DGCR8: variants seen among roughly 807,000 people sequenced by gnomAD.
DGCR8 encodes microprocessor complex subunit DGCR8.
A neutral mutation model predicts 78.5 loss-of-function variants in DGCR8; 14 were observed. The ratio of observed to expected loss-of-function variants is 0.18; its 90% confidence interval spans 0.12 to 0.28. The LOEUF is 0.28. DGCR8 is among the 10% of genes least tolerant of loss of function. The pLI, the probability that DGCR8 is intolerant of heterozygous loss-of-function variation, is 1.00. For missense variants in DGCR8, 702 were observed against 1,022.5 expected, an observed-to-expected ratio of 0.69 and a Z score of 4.28; for synonymous variants, 399 against 402.4, an observed-to-expected ratio of 0.99 and a Z score of 0.10.
chr22:20,090,080 G>T lies in DGCR8; in HGVS notation c.1128G>T (p.Val376=). The change falls in exon 5 of 14, where the codon GTG becomes GTT. Residue 376 remains valine, a synonymous_variant. Coordinates refer to ENST00000351989, the MANE Select transcript of DGCR8 (RefSeq NM_022720.7). ...QSSDLTPSGD[V]SPVKPLSRSA... ...GTGACCTCACCCCTAGTGGGGATGT[G>T]TCCCCCGTCAAGCCCCTGAGCCGAT... is the stretch of plus-strand genomic sequence containing the variant. 6.2e-7 allele frequency: 1 copy of T among 1,614,220 alleles called. No homozygotes were observed.
At chr22:20,107,017 G>C in intron 11 of DGCR8, 1 of 579,608 alleles carries the variant, frequency 1.7e-6, no homozygotes, top group South Asian at 2.0e-5. Flanking sequence ...CTTGGCGGGA[G>C]GGAGGCTCTC....
chr22:20,089,678 G>A lies in DGCR8; in HGVS notation c.890G>A (p.Arg297His), dbSNP rs763913575. ...TTGTCTTCCTGTGCAGGTCGTGGCCGCCCACCTACAGAGCCGCTGCCCGAC... is the reference window on the plus strand; with the variant it reads ...TTGTCTTCCTGTGCAGGTCGTGGCCACCCACCTACAGAGCCGCTGCCCGAC... ...KIKTVLKSRGRPPTEPLPDGW... is the reference protein window; with the variant it reads ...KIKTVLKSRGHPPTEPLPDGW... The change falls in exon 4 of 14, where the codon CGC (arginine) becomes CAC (histidine). Residue 297 changes from arginine (R) to histidine (H), a missense_variant. This residue lies in a region of DGCR8 where 356 missense variants were observed against 448.9 expected (regional missense o/e 0.79). Transcript: ENST00000351989. The surrounding 1 kb of genome is among the most constrained non-coding windows in gnomAD (Gnocchi z 4.9). 29 of 1,613,810 alleles carry A rather than the reference G, an allele frequency of 1.8e-5. No homozygotes were observed. The African/African-American group carries it at 1.9e-4, about 10-fold the overall frequency.
rs2049475902 is a variant in DGCR8 at position 20,085,917 on chromosome 22, G to GTC, written c.-47_-46insTC. 6.6e-7 allele frequency: 1 copy of GTC among 1,509,668 alleles called. No individual in the cohort carries two copies. Among genetic ancestry groups the GTC allele is most frequent in the Non-Finnish European group, 8.8e-7 (1 of 1,135,582 alleles). The allele number at this position is 1,509,668 out of a possible 1,614,324, so 93.5% of individuals were successfully genotyped here. A position where few individuals can be genotyped will look rare whatever the true frequency, so the allele number is the denominator to read the frequency against. On this transcript the variant is annotated 5_prime_UTR_variant, in exon 2 of 14. Transcript: ENST00000351989. This position sits in a 1 kb window ranked among gnomAD's most constrained non-coding sequence, Gnocchi z 6.2. Reference sequence around the variant, plus strand: ...TGTTAGCTGTGTAGATTTATGTGAGGGCTTGTAAAACTCTGGTCTTGTAAA... The same window carrying GTC: ...TGTTAGCTGTGTAGATTTATGTGAGGTCGCTTGTAAAACTCTGGTCTTGTAAA...
intron 9 of DGCR8, among the ~76,000 whole-genome samples, chr22:20,103,087 G>A (rs2049722961): frequency 6.6e-6 from 1 of 151,468 alleles, no homozygotes; most frequent in Admixed American, 6.6e-5. Flanking sequence ...GCAGTGAGCC[G>A]AGATTGTGCC....
intron 10 of DGCR8, 136 bp downstream of exon 10, chr22:20,106,413 TG>T: frequency 1.2e-6 from 1 of 846,584 alleles, no homozygotes; most frequent in Non-Finnish European, 1.9e-6. Flanking sequence ...CCCTTGGCCC[TG>T]GCCACCAGTC....
intron 9 of DGCR8, among the ~76,000 whole-genome samples, chr22:20,097,587 C>G (rs981369395): frequency 1.3e-5 from 2 of 151,996 alleles, no homozygotes; most frequent in African/African-American, 2.4e-5. Context: ...TAAATTGTTA[C>G]ACTTGATGAT....
chr22:20,092,026 C>A, intron 7 of DGCR8, 56 bp downstream of exon 7: 1 of 1,444,720 alleles, frequency 6.9e-7, no homozygotes, highest in South Asian at 1.2e-5. Flanking sequence ...TAACTTTGGT[C>A]AGGGCTGGGG....
intron 6 of DGCR8, 95 bp from the exon 7 acceptor site, chr22:20,091,774 G>A (rs2049565740): frequency 1.3e-6 from 2 of 1,488,840 alleles, no homozygotes; most frequent in Non-Finnish European, 1.9e-6. Flanking sequence ...CACATTCACG[G>A]TCGTGAGCCC....
intron 9 of DGCR8, among the ~76,000 whole-genome samples, chr22:20,097,889 G>A (rs1318467079): frequency 6.7e-6 from 1 of 149,326 alleles, no homozygotes; most frequent in Admixed American, 6.7e-5. Context: ...AGCACTTTGG[G>A]AGGCCAAGGC....
In DGCR8 at chr22:20,089,680, C is replaced by T. The variant is rs1334461271; in HGVS notation, c.892C>T (p.Pro298Ser). ...GTCTTCCTGTGCAGGTCGTGGCCGCCCACCTACAGAGCCGCTGCCCGACGG... is the reference window on the plus strand; with the variant it reads ...GTCTTCCTGTGCAGGTCGTGGCCGCTCACCTACAGAGCCGCTGCCCGACGG... ...IKTVLKSRGR[P>S]PTEPLPDGWI... is the part of the protein sequence containing the mutation. Residue 298 changes from proline to serine, a missense_variant, in exon 4 of 14, where the codon CCA becomes TCA. Coordinates refer to ENST00000351989, the MANE Select transcript of DGCR8 (RefSeq NM_022720.7). The surrounding 1 kb of genome is among the most constrained non-coding windows in gnomAD (Gnocchi z 4.9). 2 of 1,613,950 alleles carry T rather than the reference C, an allele frequency of 1.2e-6. No homozygotes were observed. The highest frequency in any genetic ancestry group is 1.7e-6 in the Non-Finnish European group (2 of 1,179,998).
chr22:20,111,432 ACTAC>A lies in DGCR8; in HGVS notation c.*1327_*1330del. On this transcript the variant is annotated 3_prime_UTR_variant, in exon 14 of 14. Coordinates refer to ENST00000351989, the MANE Select transcript of DGCR8 (RefSeq NM_022720.7). ...GCCGCCCACAACATATCCTTCCCTC[ACTAC>A]CTGTGTGACCAAGGTTGGCTTCTGT... The A allele has an allele frequency of 5.1e-6, 2 of 394,938 alleles. No individual in the cohort carries two copies. Among genetic ancestry groups the A allele is most frequent in the Non-Finnish European group, 8.9e-6 (2 of 225,506 alleles). 24.5% of individuals were successfully genotyped at this position (394,938 alleles called of 1,614,324 possible). A position where few individuals can be genotyped will look rare whatever the true frequency, so the allele number is the denominator to read the frequency against.
rs150578375 is a variant in DGCR8, at chr22:20,083,290, C to T, written c.-277-2397C>T. 2.6e-3 allele frequency among the ~76,000 whole-genome samples: 399 copies of T among 151,582 alleles called. 1 individual carries two copies. Among genetic ancestry groups the T allele is most frequent in the African/African-American group, 9.2e-3 (380 of 41,260 alleles). On this transcript the variant is annotated intron_variant, in intron 1 of 13. Coordinates refer to ENST00000351989, the MANE Select transcript of DGCR8 (RefSeq NM_022720.7). Reference sequence around the variant, plus strand: ...GGTGCATGCTTTTCTTAGTTGTTAGCGGTCCATCTCCCCCACTAAAATGTG... The same window carrying T: ...GGTGCATGCTTTTCTTAGTTGTTAGTGGTCCATCTCCCCCACTAAAATGTG...
chr22:20,093,127 C>T (rs186879527), intron 8 of DGCR8, among the ~76,000 whole-genome samples: 9 of 151,896 alleles, frequency 5.9e-5, no homozygotes, highest in African/African-American at 1.2e-4. Context: ...AGGCCTCGGC[C>T]GGGCGTGGTG....
At position 20,087,062 on chromosome 22, in the gene DGCR8, C is replaced by T; in HGVS notation, c.721-100C>T. On this transcript the variant is annotated intron_variant, in intron 2 of 13. Transcript: ENST00000351989. This position sits in a 1 kb window ranked among gnomAD's most constrained non-coding sequence, Gnocchi z 4.1. Reference sequence around the variant, plus strand: ...AGGGCACATCTAGGCCCCCTGAGAGCACCTCCTTTCTGTGTCTGTTCTCAG... The same window carrying T: ...AGGGCACATCTAGGCCCCCTGAGAGTACCTCCTTTCTGTGTCTGTTCTCAG... 2 of 1,458,692 alleles carry T rather than the reference C, an allele frequency of 1.4e-6. No individual in the cohort carries two copies. The highest frequency in any genetic ancestry group is 1.3e-5 in the South Asian group (1 of 74,214). 90.4% of individuals were successfully genotyped at this position (1,458,692 alleles called of 1,614,324 possible). A position where few individuals can be genotyped will look rare whatever the true frequency, so the allele number is the denominator to read the frequency against.
At chr22:20,101,343 G>A (rs1200495238) in intron 9 of DGCR8, 43 of 920,994 alleles carry the variant, frequency 4.7e-5, no homozygotes, top group Middle Eastern at 5.5e-4. Context: ...TTGGGAGGCC[G>A]AGGCGGGCAG....
rs367769950 is a variant in DGCR8, at chr22:20,111,336, A to G, written c.*1228A>G. Reference sequence around the variant, plus strand: ...CGTTCTGCCGTGTCTGTCCCCCACCATGCCCCCTACAGGCGGTACTGATGG... The same window carrying G: ...CGTTCTGCCGTGTCTGTCCCCCACCGTGCCCCCTACAGGCGGTACTGATGG... On this transcript the variant is annotated 3_prime_UTR_variant, in exon 14 of 14. Transcript: ENST00000351989. 5.0e-6 allele frequency: 2 copies of G among 396,968 alleles called. No individual in the cohort carries two copies. Among genetic ancestry groups the G allele is most frequent in the African/African-American group, 2.1e-5 (1 of 47,966 alleles). 24.6% of individuals were successfully genotyped at this position (396,968 alleles called of 1,614,324 possible).
intron 8 of DGCR8, among the ~76,000 whole-genome samples, chr22:20,094,346 G>C (rs1490914577): frequency 2.0e-5 from 3 of 152,238 alleles, no homozygotes; most frequent in African/African-American, 7.2e-5. Flanking sequence ...ACCTGGTCTA[G>C]GTACCTGCAG....
chr22:20,095,042 G>A (rs937501144), intron 9 of DGCR8, among the ~76,000 whole-genome samples: 3 of 152,158 alleles, frequency 2.0e-5, no homozygotes, highest in Non-Finnish European at 4.4e-5. Flanking sequence ...CATTGAGTGT[G>A]CACCGTAAAT....
chr22:20,085,927 ACTCTGGT>A lies in DGCR8; in HGVS notation c.-34_-28del, dbSNP rs2049476106. 1.3e-6 allele frequency: 2 copies of A among 1,510,680 alleles called. No individual in the cohort carries two copies. The highest frequency in any genetic ancestry group is 2.2e-5 in the Admixed American group (1 of 46,202). The allele number at this position is 1,510,680 out of a possible 1,614,324, so 93.6% of individuals were successfully genotyped here. On this transcript the variant is annotated 5_prime_UTR_variant, in exon 2 of 14. Coordinates refer to ENST00000351989, the MANE Select transcript of DGCR8 (RefSeq NM_022720.7). This position sits in a 1 kb window ranked among gnomAD's most constrained non-coding sequence, Gnocchi z 6.2. ...GTAGATTTATGTGAGGGCTTGTAAA[ACTCTGGT>A]CTTGTAAACTAGTCTTAAGCGCTTT...
Sources: gnomAD v4.1 joint callset for allele counts (sites outside exome capture counted in the v4.1 genomes callset) on GRCh38, gnomAD v4.1.1 for gene constraint, gnomAD v4.1.1 regional missense constraint, Gnocchi (gnomAD v3.1) non-coding constraint, MANE v1.5 for transcripts, NCBI Gene and HGNC (gene_info 2026-07-23, HGNC 2026-07-21) for gene names.